Variants in TRIM5 observed in about 807,000 individuals in gnomAD.
TRIM5 encodes tripartite motif containing 5.
In TRIM5, 31 loss-of-function variants were observed where a neutral mutation model predicts 35.6. The ratio of observed to expected loss-of-function variants is 0.87; its 90% CI spans 0.65 to 1.18. The LOEUF is 1.18. TRIM5 is among the 50% of genes most tolerant of loss of function. The pLI, the probability that TRIM5 is intolerant of heterozygous loss-of-function variation, is 0.00. For synonymous variants in TRIM5, 243 were observed against 215.6 expected (o/e 1.13, Z -1.11); for missense variants, 609 against 591.6 (o/e 1.03, Z -0.31).
chr11:5,647,705 T>A, the TRIM5 span, among the ~76,000 whole-genome samples: 1 of 152,118 alleles, frequency 6.6e-6, no homozygotes, highest in Non-Finnish European at 1.5e-5. Context: ...GTATTTTTAG[T>A]AAAGAGGGGA....
chr11:5,615,585 T>TG, the TRIM5 span, among the ~76,000 whole-genome samples: 7 of 96,606 alleles, frequency 7.2e-5, no homozygotes, highest in Non-Finnish European at 1.3e-4. Flanking sequence ...TTGTTTTTTT[T>TG]TTGTTGTTGT....
At chr11:5,621,665 A>G in the TRIM5 span, among the ~76,000 whole-genome samples, 1 of 152,154 alleles carries the variant, frequency 6.6e-6, no homozygotes, top group East Asian at 1.9e-4. Context: ...CCAAATAGAA[A>G]AGTCAAGCTG....
the TRIM5 span, chr11:5,645,929 A>T: frequency 6.1e-6 from 1 of 163,970 alleles, no homozygotes; most frequent in Non-Finnish European, 1.2e-5. Flanking sequence ...ATATATATAG[A>T]TATATAAAAC....
the TRIM5 span, among the ~76,000 whole-genome samples, chr11:5,593,334 T>C: frequency 6.6e-6 from 1 of 152,230 alleles, no homozygotes; most frequent in Non-Finnish European, 1.5e-5. Context: ...AGAAGGGTTT[T>C]CCATGAGAGG....
the TRIM5 span, among the ~76,000 whole-genome samples, chr11:5,614,459 C>CCTAA: frequency 1.3e-5 from 2 of 152,288 alleles, no homozygotes; most frequent in South Asian, 4.1e-4. Context: ...TAGGGCTAAA[C>CCTAA]CTAACTGTAA....
the TRIM5 span, among the ~76,000 whole-genome samples, chr11:5,602,684 T>G: frequency 2.2e-4 from 33 of 151,922 alleles, no homozygotes; most frequent in South Asian, 1.7e-3. Context: ...CCAGGTGCGG[T>G]GGCTCATGCC....
At chr11:5,622,362 G>A in the TRIM5 span, among the ~76,000 whole-genome samples, 8 of 151,556 alleles carry the variant, frequency 5.3e-5, no homozygotes, top group East Asian at 3.9e-4. Flanking sequence ...GGAGAATGGC[G>A]TGAACCCGGC....
the TRIM5 span, among the ~76,000 whole-genome samples, chr11:5,592,985 A>G: frequency 6.6e-6 from 1 of 151,914 alleles, no homozygotes; most frequent in African/African-American, 2.4e-5. Context: ...GGAAAACAAG[A>G]AGGATGGAAA....
rs980450390 is a variant in TRIM5, at chr11:5,664,248, C to T, written c.*561G>A. 20 of 978,470 alleles carry T rather than the reference C, an allele frequency of 2.0e-5. No individual in the cohort carries two copies. Among genetic ancestry groups the T allele is most frequent in the Non-Finnish European group, 2.2e-5 (18 of 824,400 alleles). 60.6% of individuals were successfully genotyped at this position (978,470 alleles called of 1,614,324 possible). A position where few individuals can be genotyped will look rare whatever the true frequency, so the allele number is the denominator to read the frequency against. Reference sequence around the variant, plus strand: ...AGAAAAGAAAAGGAAATAAGCACAGCCATTTAAGTATGTTATTCACAGTTA... The same window carrying T: ...AGAAAAGAAAAGGAAATAAGCACAGTCATTTAAGTATGTTATTCACAGTTA... On this transcript the variant is annotated 3_prime_UTR_variant, in exon 8 of 8. Transcript: ENST00000380034.
chr11:5,665,997 C>T lies in TRIM5; in HGVS notation c.852G>A (p.Met284Ile), dbSNP rs772859062. The T allele has an allele frequency of 3.1e-5, 50 of 1,611,810 alleles. No individual in the cohort carries two copies. In the South Asian group the frequency reaches 5.4e-4, roughly 17 times the overall value. Reference sequence around the variant, plus strand: ...TCTCCTCACCTCTAAACACTTCTAGCATTCCTTTCAGATCAGGAGCTCGAA... The same window carrying T: ...TCTCCTCACCTCTAAACACTTCTAGTATTCCTTTCAGATCAGGAGCTCGAA... ...RVFRAPDLKG[M>I]LEVFRELTDV... Residue 284 changes from methionine (M) to isoleucine (I), a missense_variant, in exon 6 of 8, where the codon ATG becomes ATA. By Grantham distance (10) the Met-to-Ile change is conservative. Coordinates refer to ENST00000380034, the MANE Select transcript of TRIM5 (RefSeq NM_033034.3).
chr11:5,632,633 G>T, the TRIM5 span: 1 of 1,613,158 alleles, frequency 6.2e-7, no homozygotes. Context: ...GATCATCATG[G>T]AGAGAAACTC....
At chr11:5,598,027 G>A in the TRIM5 span, among the ~76,000 whole-genome samples, 5 of 152,184 alleles carry the variant, frequency 3.3e-5, no homozygotes, top group Non-Finnish European at 5.9e-5. Flanking sequence ...TTTTTCAGGC[G>A]TCTGGTTCTG....
intron 3 of TRIM5, 123 bp from the exon 4 acceptor site, chr11:5,678,557 T>A: frequency 1.3e-6 from 1 of 742,722 alleles, no homozygotes; most frequent in South Asian, 2.3e-5. Context: ...GGAGAGTAGG[T>A]CTTAGGAAAG....
chr11:5,637,853 T>C, the TRIM5 span, among the ~76,000 whole-genome samples: 1 of 152,250 alleles, frequency 6.6e-6, no homozygotes, highest in African/African-American at 2.4e-5. Flanking sequence ...ATATTTGTCC[T>C]ACAGGTTTCT....
intron 5 of TRIM5, among the ~76,000 whole-genome samples, chr11:5,666,974 C>T (rs1290990293): frequency 6.6e-6 from 1 of 151,906 alleles, no homozygotes; most frequent in Non-Finnish European, 1.5e-5. Flanking sequence ...TCCCAATGGA[C>T]AATTAGGGGT....
the TRIM5 span, among the ~76,000 whole-genome samples, chr11:5,635,305 G>C: frequency 6.7e-6 from 1 of 149,546 alleles, no homozygotes; most frequent in South Asian, 2.1e-4. Context: ...TCCCAGGCTG[G>C]AGTGCAGTGG....
chr11:5,603,836 C>T, the TRIM5 span: 6 of 1,479,388 alleles, frequency 4.1e-6, no homozygotes, highest in Middle Eastern at 1.8e-4. Context: ...TCTTTATTTA[C>T]CTAGAGAATG....
chr11:5,636,508 T>G, the TRIM5 span, among the ~76,000 whole-genome samples: 7 of 152,212 alleles, frequency 4.6e-5, no homozygotes, highest in Non-Finnish European at 8.8e-5. Context: ...GGGCAAATCT[T>G]ATGGTATTTG....
At chr11:5,595,421 C>T in the TRIM5 span, 1 of 152,224 alleles carries the variant, frequency 6.6e-6, no homozygotes, top group Non-Finnish European at 1.5e-5. Context: ...CAGCTTTATA[C>T]ATACATACGT....
Sources: allele counts gnomAD v4.1 joint callset (sites outside exome capture counted in the v4.1 genomes callset), GRCh38; gene constraint gnomAD v4.1.1; transcripts MANE v1.5; gene names NCBI Gene and HGNC (gene_info 2026-07-23, HGNC 2026-07-21).